VANGL1: variants seen among roughly 807,000 people sequenced by gnomAD.
VANGL1 encodes vang-like protein 1.
A neutral mutation model predicts 48.4 loss-of-function variants in VANGL1; 18 were observed. That is an observed-to-expected ratio of 0.37 (90% confidence interval 0.26 to 0.55). The LOEUF (loss-of-function observed/expected upper bound fraction) is 0.55. VANGL1 is among the 20% of genes least tolerant of loss of function. VANGL1 has a pLI of 0.81. For missense variants in VANGL1, 667 were observed against 675.8 expected, an observed-to-expected ratio of 0.99 and a Z score of 0.14; for synonymous variants, 257 against 261.8, an observed-to-expected ratio of 0.98 and a Z score of 0.18.
At position 115,684,032 on chromosome 1, in the gene VANGL1, T is replaced by C; in HGVS notation, c.1035T>C (p.Tyr345=). 2 of 1,614,186 alleles carry C rather than the reference T, an allele frequency of 1.2e-6. No homozygotes were observed. Among genetic ancestry groups the C allele is most frequent in the Non-Finnish European group, 1.7e-6 (2 of 1,180,006 alleles). ...ACTCAAGCCACAACGAGTTGTATTA[T>C]GAAGAGGCCGAACATGAACGGCGAG... ...RRDSSHNELY[Y]EEAEHERRVK... The change falls in exon 6 of 8, where the codon TAT becomes TAC. Residue 345 remains tyrosine, a synonymous_variant. Transcript: ENST00000355485.
At chr1:115,681,934 T>A (rs1653408653) in intron 4 of VANGL1, among the ~76,000 whole-genome samples, 1 of 152,252 alleles carries the variant, frequency 6.6e-6, no homozygotes, top group African/African-American at 2.4e-5. Flanking sequence ...AATGAGGACC[T>A]GAGAAACCTG....
At chr1:115,653,691 G>A (rs576684881) in intron 2 of VANGL1, among the ~76,000 whole-genome samples, 2 of 152,170 alleles carry the variant, frequency 1.3e-5, no homozygotes. Flanking sequence ...CAATGCCCTT[G>A]TAGTAACTTT....
chr1:115,684,748 G>GC (rs1332414015), intron 6 of VANGL1, among the ~76,000 whole-genome samples: 16 of 152,276 alleles, frequency 1.1e-4, no homozygotes, highest in African/African-American at 3.4e-4. Context: ...CTGGACCCTT[G>GC]CTGGTGTTCA....
rs550328568 is a variant in VANGL1 at position 115,683,837 on chromosome 1, TC to T, written c.947-105del. ...ACCTTTAGGATTTGTGTGTGTGTGTTCCATAGGGGGTGGGTAGACAACACTG... is the reference window on the plus strand; with the variant it reads ...ACCTTTAGGATTTGTGTGTGTGTGTTCATAGGGGGTGGGTAGACAACACTG... On this transcript the variant is annotated intron_variant, in intron 5 of 7. Transcript: ENST00000355485. 1,841 of 1,399,420 alleles carry T rather than the reference TC, an allele frequency of 1.3e-3. 8 individuals carry two copies. Among genetic ancestry groups the T allele is most frequent in the African/African-American group, 0.011 (784 of 70,042 alleles). The allele number at this position is 1,399,420 out of a possible 1,614,324, so 86.7% of individuals were successfully genotyped here. A position where few individuals can be genotyped will look rare whatever the true frequency, so the allele number is the denominator to read the frequency against.
chr1:115,664,542 G>A (rs1439491764), intron 4 of VANGL1, among the ~76,000 whole-genome samples: 2 of 152,184 alleles, frequency 1.3e-5, no homozygotes, highest in African/African-American at 4.8e-5. Flanking sequence ...CAAAAATGAT[G>A]GAGAAAGGAG....
intron 3 of VANGL1, among the ~76,000 whole-genome samples, chr1:115,663,031 C>T (rs1263870400): frequency 2.0e-5 from 3 of 152,100 alleles, no homozygotes; most frequent in African/African-American, 4.8e-5. Context: ...CTGATCCGTC[C>T]GCCTCGGCCT....
chr1:115,685,815 G>T (rs1004358382), intron 7 of VANGL1, among the ~76,000 whole-genome samples: 4 of 152,142 alleles, frequency 2.6e-5, no homozygotes, highest in Middle Eastern at 3.4e-3. Flanking sequence ...GGTGCATTGT[G>T]GACTCTGGAG....
At chr1:115,646,493 CTTTTTTT>C (rs34575210) in intron 1 of VANGL1, among the ~76,000 whole-genome samples, 12 of 128,698 alleles carry the variant, frequency 9.3e-5, no homozygotes, top group African/African-American at 3.5e-4. Flanking sequence ...AGTAGTATAG[CTTTTTTT>C]TTTTTTTTTT....
intron 2 of VANGL1, among the ~76,000 whole-genome samples, chr1:115,653,913 A>G (rs1238813995): frequency 6.6e-6 from 1 of 152,152 alleles, no homozygotes; most frequent in African/African-American, 2.4e-5. Context: ...TTTAAAAAAC[A>G]CCACTACCAC....
Position 115,664,283 on chromosome 1 carries a change from C to T in VANGL1, c.812+15C>T, listed in dbSNP as rs1232620178. 6.2e-7 allele frequency: 1 copy of T among 1,612,630 alleles called. No individual in the cohort carries two copies. On this transcript the variant is annotated intron_variant, in intron 4 of 7. Transcript: ENST00000355485. ...GGACACCTGAGGTAAGAGGCAACAT[C>T]CAGGAGGCAGAAAGGATGGCTGATG...
intron 3 of VANGL1, among the ~76,000 whole-genome samples, chr1:115,660,879 T>C (rs1158218718): frequency 6.6e-6 from 1 of 152,196 alleles, no homozygotes; most frequent in Non-Finnish European, 1.5e-5. Flanking sequence ...ATGCCTTTAG[T>C]GCTGCCTGCC....
chr1:115,690,494 A>G (rs2101039523), intron 7 of VANGL1, among the ~76,000 whole-genome samples: 1 of 152,356 alleles, frequency 6.6e-6, no homozygotes, highest in African/African-American at 2.4e-5. Flanking sequence ...AACATGGAAT[A>G]ACCATTGCTT....
At chr1:115,680,318 G>A (rs565550595) in intron 4 of VANGL1, among the ~76,000 whole-genome samples, 27 of 152,254 alleles carry the variant, frequency 1.8e-4, no homozygotes, top group Admixed American at 1.6e-3. Context: ...TCAGCCCCAC[G>A]TGTTCCAGCA....
chr1:115,679,784 G>A (rs1388040300), intron 4 of VANGL1, among the ~76,000 whole-genome samples: 1 of 152,290 alleles, frequency 6.6e-6, no homozygotes, highest in African/African-American at 2.4e-5. Flanking sequence ...TTAGATCAGG[G>A]TAATGCTTTT....
rs1653920306 is a variant in VANGL1 at position 115,693,405 on chromosome 1, C to G, written c.*2026C>G. 6.6e-6 allele frequency: 1 copy of G among 152,622 alleles called. No homozygotes were observed. The highest frequency in any genetic ancestry group is 1.9e-4 in the East Asian group (1 of 5,188). 9.5% of individuals were successfully genotyped at this position (152,622 alleles called of 1,614,324 possible). On this transcript the variant is annotated 3_prime_UTR_variant, in exon 8 of 8. Coordinates refer to ENST00000355485, the MANE Select transcript of VANGL1 (RefSeq NM_138959.3). ...AATAATGACACTGTTCATCACCATT[C>G]TAAAATACTGTTCTTCCAACCCTAT...
chr1:115,654,762 G>C (rs1273199909), intron 2 of VANGL1, among the ~76,000 whole-genome samples: 2 of 152,096 alleles, frequency 1.3e-5, no homozygotes, highest in Non-Finnish European at 2.9e-5. Context: ...CAGAGCAGCT[G>C]CCAGTTATGT....
Position 115,663,754 on chromosome 1 carries a change from G to A in VANGL1, c.298G>A (p.Glu100Lys). The change falls in exon 4 of 8, where the codon GAG (glutamate) becomes AAG (lysine). Residue 100 changes from glutamate to lysine, a missense_variant. Transcript: ENST00000355485. ...EDIARISKDM[E>K]DSVGLDCKRY... is the part of the protein sequence containing the mutation. ...CATTGCCAGGATCAGCAAGGACATGGAGGACAGCGTGGGGCTGGATTGCAA... is the reference window on the plus strand; with the variant it reads ...CATTGCCAGGATCAGCAAGGACATGAAGGACAGCGTGGGGCTGGATTGCAA... The A allele has an allele frequency of 6.2e-7, 1 of 1,614,210 alleles. No homozygotes were observed. Among genetic ancestry groups the A allele is most frequent in the Non-Finnish European group, 8.5e-7 (1 of 1,180,028 alleles).
intron 2 of VANGL1, 100 bp from the exon 3 acceptor site, chr1:115,659,541 A>G (rs1056149777): frequency 8.5e-5 from 106 of 1,247,308 alleles, no homozygotes; most frequent in East Asian, 6.1e-4. Context: ...GTGTGTGTGT[A>G]TGTAGAATTT....
chr1:115,646,052 G>A (rs952199932), intron 1 of VANGL1, among the ~76,000 whole-genome samples: 3 of 152,066 alleles, frequency 2.0e-5, no homozygotes, highest in African/African-American at 7.2e-5. Context: ...TCCTTCATAC[G>A]ATTTGCTAAA....
Sources: gnomAD v4.1 joint callset for allele counts (sites outside exome capture counted in the v4.1 genomes callset) on GRCh38, gnomAD v4.1.1 for gene constraint, MANE v1.5 for transcripts, NCBI Gene and HGNC (gene_info 2026-07-23, HGNC 2026-07-21) for gene names.